Variants in UGT1A9 observed in about 807,000 individuals in gnomAD.
UGT1A9 encodes UDP glucuronosyltransferase family 1 member A9.
Under a neutral mutation model 45.0 loss-of-function variants are expected in UGT1A9, and 35 were observed. The ratio of observed to expected loss-of-function variants is 0.78; its 90% CI spans 0.59 to 1.03. The LOEUF (loss-of-function observed/expected upper bound fraction) is 1.03, where lower values mean the gene tolerates loss of function less well. UGT1A9 is among the 50% of genes least tolerant of loss of function. The probability of loss-of-function intolerance (pLI) is 0.00; values close to 1 mark genes in which losing one functional copy is unlikely to be tolerated. For missense variants in UGT1A9, 687 were observed against 666.6 expected (o/e 1.03, Z -0.34); for synonymous variants, 278 against 250.6 (o/e 1.11, Z -1.03).
At position 233,765,603 on chromosome 2, in the gene UGT1A9, T is replaced by C. The variant is rs376691829; in HGVS notation, c.856-1431T>C. ...GGGGAACAACACACACCAGGGCTTG[T>C]GGCGGGGTGAGGGGTGAGGGGAGGA... On this transcript the variant is annotated intron_variant, in intron 1 of 4. Coordinates refer to ENST00000354728, the MANE Select transcript of UGT1A9 (RefSeq NM_021027.3). Among the ~76,000 whole-genome samples, 8 of 151,018 alleles carry C rather than the reference T, an allele frequency of 5.3e-5. No individual in the cohort carries two copies. In the East Asian group the frequency reaches 5.8e-4, roughly 11 times the overall value.
At chr2:233,715,712 C>T (rs1385583462) in intron 1 of UGT1A9, among the ~76,000 whole-genome samples, 1 of 152,152 alleles carries the variant, frequency 6.6e-6, no homozygotes, top group Admixed American at 6.5e-5. Context: ...GTGGAGGCTG[C>T]AGTGTGCCAT....
chr2:233,718,922 GC>G (rs1473563320), intron 1 of UGT1A9: 1 of 1,614,124 alleles, frequency 6.2e-7, no homozygotes, highest in East Asian at 2.2e-5. Context: ...TGTTGGTGGT[GC>G]CCACTGATGG....
chr2:233,713,998 T>C, intron 1 of UGT1A9: 4 of 1,554,968 alleles, frequency 2.6e-6, no homozygotes, highest in Non-Finnish European at 3.5e-6. Context: ...TAGTCTTCAG[T>C]GAGATAAACT....
At chr2:233,736,824 C>G (rs1056780594) in intron 1 of UGT1A9, among the ~76,000 whole-genome samples, 5 of 152,198 alleles carry the variant, frequency 3.3e-5, no homozygotes, top group African/African-American at 1.2e-4. Flanking sequence ...TCCAGATGCT[C>G]TTTGCTTTGG....
intron 1 of UGT1A9, chr2:233,754,616 C>G (rs899223660): frequency 6.8e-6 from 3 of 438,446 alleles, no homozygotes; most frequent in African/African-American, 6.2e-5. Flanking sequence ...CTCCATCTTC[C>G]TCCACTTCCA....
At chr2:233,699,073 C>T (rs1349522020) in intron 1 of UGT1A9, among the ~76,000 whole-genome samples, 1 of 152,198 alleles carries the variant, frequency 6.6e-6, no homozygotes, top group African/African-American at 2.4e-5. Context: ...CTGCCCAGGG[C>T]CTTCTCTCTA....
intron 1 of UGT1A9, among the ~76,000 whole-genome samples, chr2:233,740,427 G>A (rs1010864100): frequency 1.4e-4 from 22 of 151,978 alleles, no homozygotes; most frequent in Admixed American, 1.4e-3. Flanking sequence ...CCTGTTTGGA[G>A]ACAGAAAGTG....
At chr2:233,688,680 A>T (rs1230576037) in intron 1 of UGT1A9, among the ~76,000 whole-genome samples, 1 of 152,200 alleles carries the variant, frequency 6.6e-6, no homozygotes, top group Admixed American at 6.5e-5. Context: ...TTTTTAAAAA[A>T]TTTAATATTA....
chr2:233,717,281 T>G (rs1169770811), intron 1 of UGT1A9, among the ~76,000 whole-genome samples: 3 of 152,158 alleles, frequency 2.0e-5, no homozygotes, highest in Non-Finnish European at 4.4e-5. Flanking sequence ...GAAGCTGAGA[T>G]GTTGCACCCA....
chr2:233,751,416 G>A (rs1308291640), intron 1 of UGT1A9, among the ~76,000 whole-genome samples: 3 of 152,160 alleles, frequency 2.0e-5, no homozygotes, highest in African/African-American at 4.8e-5. Flanking sequence ...GGACTTTTGA[G>A]CTAGTGCTGA....
chr2:233,691,036 C>A (rs570585293), intron 1 of UGT1A9: 1 of 989,684 alleles, frequency 1.0e-6, no homozygotes, highest in Non-Finnish European at 1.2e-6. Context: ...CTCAGACCAA[C>A]GTCCACAGCA....
chr2:233,675,966 CACA>C (rs537293192), intron 1 of UGT1A9, among the ~76,000 whole-genome samples: 1 of 152,172 alleles, frequency 6.6e-6, no homozygotes, highest in Non-Finnish European at 1.5e-5. Context: ...GATTGTCTCA[CACA>C]ACATCTTTCC....
At chr2:233,726,556 C>T (rs1390760024) in intron 1 of UGT1A9, among the ~76,000 whole-genome samples, 1 of 152,180 alleles carries the variant, frequency 6.6e-6, no homozygotes, top group Non-Finnish European at 1.5e-5. Flanking sequence ...CTTCAAGTCT[C>T]CCACTCTTAC....
intron 1 of UGT1A9, among the ~76,000 whole-genome samples, chr2:233,687,583 TAAAAAAAAA>T (rs71398794): frequency 9.3e-6 from 1 of 107,468 alleles, no homozygotes; most frequent in South Asian, 3.0e-4. Flanking sequence ...ACATTCTTTG[TAAAAAAAAA>T]AAAAAAAAAA....
intron 1 of UGT1A9, among the ~76,000 whole-genome samples, chr2:233,676,310 T>C (rs554815608): frequency 6.6e-6 from 1 of 152,332 alleles, no homozygotes; most frequent in African/African-American, 2.4e-5. Context: ...TCTCACAGTC[T>C]GTTGAGTGAC....
rs866643747 is a variant in UGT1A9, at chr2:233,725,306, A to G, written c.856-41728A>G. On this transcript the variant is annotated intron_variant, in intron 1 of 4. Coordinates refer to ENST00000354728, the MANE Select transcript of UGT1A9 (RefSeq NM_021027.3). ...CAGAGGCAGAGGCAGAGGCAGAGGC[A>G]GAGGCAGAGGCGCCTGGTCAACAAT... Among the ~76,000 whole-genome samples the G allele has an allele frequency of 8.2e-5, 7 of 85,472 alleles. 1 individual carries two copies. In the East Asian group the frequency reaches 1.3e-3, roughly 16 times the overall value. The allele number at this position is 85,472 out of a possible 152,430, so 56.1% of individuals were successfully genotyped here.
chr2:233,724,196 G>C (rs2125699234), intron 1 of UGT1A9, among the ~76,000 whole-genome samples: 1 of 131,752 alleles, frequency 7.6e-6, no homozygotes, highest in Admixed American at 7.2e-5. Context: ...CGGGGTGGCT[G>C]GCCGGGCTGA....
At chr2:233,741,248 A>G (rs997599929) in intron 1 of UGT1A9, among the ~76,000 whole-genome samples, 1 of 152,014 alleles carries the variant, frequency 6.6e-6, no homozygotes, top group East Asian at 1.9e-4. Context: ...TGACACTGGT[A>G]TGCCACTCTT....
chr2:233,743,705 G>C (rs756391897), intron 1 of UGT1A9: 3 of 1,367,306 alleles, frequency 2.2e-6, no homozygotes, highest in South Asian at 1.1e-5. Flanking sequence ...CTCCGCCCCC[G>C]CCTCGCCATA....
Sources: gnomAD v4.1 joint callset for allele counts (sites outside exome capture counted in the v4.1 genomes callset) on GRCh38, gnomAD v4.1.1 for gene constraint, MANE v1.5 for transcripts, NCBI Gene and HGNC (gene_info 2026-07-23, HGNC 2026-07-21) for gene names.